DTNB: variants seen among roughly 807,000 people sequenced by gnomAD.
The protein encoded by DTNB is dystrobrevin beta, also known as DTN-B.
DTNB carries 63 observed loss-of-function variants against 90.7 expected under a neutral mutation model. The observed-to-expected ratio is 0.69, with a 90% CI of 0.57 to 0.86. The LOEUF (loss-of-function observed/expected upper bound fraction) is 0.86, where lower values mean the gene tolerates loss of function less well. Ranked by LOEUF, DTNB falls within the 40% of genes least tolerant of loss-of-function variation. DTNB has a pLI of 0.00. For missense variants in DTNB, 744 were observed against 807.1 expected, an observed-to-expected ratio of 0.92 and a Z score of 0.95; for synonymous variants, 277 against 286.7, an observed-to-expected ratio of 0.97 and a Z score of 0.34.
chr2:25,636,356 T>G (rs1340181276), intron 3 of DTNB, among the ~76,000 whole-genome samples: 3 of 152,206 alleles, frequency 2.0e-5, no homozygotes, highest in African/African-American at 7.2e-5. Context: ...AGATCAACTC[T>G]AGAATCCTAC....
intron 13 of DTNB, among the ~76,000 whole-genome samples, chr2:25,433,415 T>C (rs1404964825): frequency 1.3e-5 from 2 of 152,284 alleles, no homozygotes; most frequent in South Asian, 2.1e-4. Flanking sequence ...ACAGCTATGT[T>C]GCTTCTATCT....
intron 5 of DTNB, chr2:25,599,052 T>C (rs755298626): frequency 4.6e-5 from 7 of 151,506 alleles, no homozygotes; most frequent in African/African-American, 1.2e-4. Flanking sequence ...AAGAATGGAA[T>C]TGGAGACACC....
chr2:25,592,449 A>T (rs2063752711), intron 6 of DTNB, among the ~76,000 whole-genome samples: 1 of 152,160 alleles, frequency 6.6e-6, no homozygotes, highest in African/African-American at 2.4e-5. Flanking sequence ...GTCAGTATTT[A>T]ATTTTAGCTA....
intron 12 of DTNB, among the ~76,000 whole-genome samples, chr2:25,437,152 C>T (rs1276374013): frequency 1.3e-5 from 2 of 152,094 alleles, no homozygotes; most frequent in Admixed American, 6.5e-5. Context: ...GCTGGTGTCC[C>T]GGCAGGACTC....
At chr2:25,400,263 G>C (rs1477074858) in intron 16 of DTNB, among the ~76,000 whole-genome samples, 1 of 152,234 alleles carries the variant, frequency 6.6e-6, no homozygotes, top group Non-Finnish European at 1.5e-5. Context: ...GCTGGAGTTT[G>C]TTCCTTCTGT....
rs752723422 is a variant in DTNB, at chr2:25,402,686, A to G, written c.1576-14325T>C. Among the ~76,000 whole-genome samples, 48 of 152,314 alleles carry G rather than the reference A, an allele frequency of 3.2e-4. 2 individuals carry two copies. The highest frequency in any genetic ancestry group is 7.2e-4 in the Admixed American group (11 of 15,306). On this transcript the variant is annotated intron_variant, in intron 16 of 20. Coordinates refer to ENST00000406818, the MANE Select transcript of DTNB (RefSeq NM_021907.5). ...GTTTCCATATCATGTCAGAAACCTC[A>G]GGGCTCATGCATAACCTGTCACTCA...
intron 8 of DTNB, among the ~76,000 whole-genome samples, chr2:25,568,452 G>A (rs563297559): frequency 2.0e-5 from 3 of 151,434 alleles, no homozygotes; most frequent in Admixed American, 6.6e-5. Flanking sequence ...GGAAGGTTAA[G>A]GCTAAAGACC....
Position 25,424,421 on chromosome 2 carries a change from C to G in DTNB, c.1554+3114G>C, listed in dbSNP as rs1488299953. Among the ~76,000 whole-genome samples, 1 of 152,134 alleles carries G rather than the reference C, an allele frequency of 6.6e-6. No homozygotes were observed. Among genetic ancestry groups the G allele is most frequent in the Non-Finnish European group, 1.5e-5 (1 of 68,020 alleles). On this transcript the variant is annotated intron_variant, in intron 15 of 20. Coordinates refer to ENST00000406818, the MANE Select transcript of DTNB (RefSeq NM_021907.5). This position sits in a 1 kb window ranked among gnomAD's most constrained non-coding sequence, Gnocchi z 4.1. ...CAAGCATCAGCGGTACACTAGAAGG[C>G]CACAGTGGCATGCATGGGGCTTGGG...
intron 16 of DTNB, among the ~76,000 whole-genome samples, chr2:25,388,969 C>G (rs906835463): frequency 2.6e-5 from 4 of 152,126 alleles, no homozygotes; most frequent in African/African-American, 9.7e-5. Flanking sequence ...GCTTCAGCCT[C>G]CCGAGTAGCT....
intron 2 of DTNB, among the ~76,000 whole-genome samples, chr2:25,651,741 T>G: frequency 6.6e-6 from 1 of 152,180 alleles, no homozygotes; most frequent in Non-Finnish European, 1.5e-5. Flanking sequence ...GATTTTCATA[T>G]TGCGATATGC....
chr2:25,495,200 T>C (rs1024918834), intron 9 of DTNB, among the ~76,000 whole-genome samples: 1 of 152,056 alleles, frequency 6.6e-6, no homozygotes, highest in Non-Finnish European at 1.5e-5. Flanking sequence ...CAAGTAGCTG[T>C]GACTACAGGC....
At chr2:25,598,821 AG>A (rs1174838806) in intron 5 of DTNB, 1 of 152,268 alleles carries the variant, frequency 6.6e-6, no homozygotes, top group Non-Finnish European at 1.5e-5. Flanking sequence ...AGCAGGAAAC[AG>A]GGTATTGAAG....
At chr2:25,538,234 A>C (rs61671081) in intron 8 of DTNB, among the ~76,000 whole-genome samples, 43,827 of 150,928 alleles carry the variant, frequency 0.29, 7,237 homozygotes, top group East Asian at 0.5. Context: ...ACAACAACAA[A>C]AAATATATAT....
intron 6 of DTNB, chr2:25,594,860 A>T (rs561036863): frequency 6.6e-6 from 1 of 152,358 alleles, no homozygotes; most frequent in South Asian, 2.1e-4. Flanking sequence ...AAAATCAGGA[A>T]GTTAACATTC....
chr2:25,454,103 T>G (rs2059657022), intron 11 of DTNB, among the ~76,000 whole-genome samples: 1 of 149,290 alleles, frequency 6.7e-6, no homozygotes, highest in Admixed American at 6.7e-5. Context: ...TGAGCTGAGA[T>G]GGCACCACTG....
chr2:25,540,902 T>A (rs1157629825), intron 8 of DTNB, among the ~76,000 whole-genome samples: 1 of 151,672 alleles, frequency 6.6e-6, no homozygotes, highest in African/African-American at 2.4e-5. Flanking sequence ...ACACAAACAC[T>A]GCGGAAGGCC....
intron 8 of DTNB, among the ~76,000 whole-genome samples, chr2:25,553,502 C>A (rs184225900): frequency 2.0e-5 from 3 of 151,930 alleles, no homozygotes; most frequent in African/African-American, 7.3e-5. Flanking sequence ...CTTAGGGAGG[C>A]TGAGGCAGGT....
chr2:25,585,554 T>C (rs1276425504), intron 6 of DTNB, among the ~76,000 whole-genome samples: 1 of 151,912 alleles, frequency 6.6e-6, no homozygotes, highest in Non-Finnish European at 1.5e-5. Flanking sequence ...GGGAGAGGAG[T>C]AACCCCTTAA....
chr2:25,382,876 TA>T (rs1308574383), intron 19 of DTNB, among the ~76,000 whole-genome samples: 1 of 152,172 alleles, frequency 6.6e-6, no homozygotes, highest in Non-Finnish European at 1.5e-5. Context: ...TCTCTGAGCC[TA>T]TTTCCTCATG....
Sources: gnomAD v4.1 joint callset for allele counts (sites outside exome capture counted in the v4.1 genomes callset) on GRCh38, gnomAD v4.1.1 for gene constraint, Gnocchi (gnomAD v3.1) non-coding constraint, MANE v1.5 for transcripts, NCBI Gene and HGNC (gene_info 2026-07-23, HGNC 2026-07-21) for gene names.